Variants in DAB1 observed in about 807,000 individuals in gnomAD.
DAB1 encodes the protein DAB adaptor protein 1, also known as disabled homolog 1.
In DAB1, 15 loss-of-function variants were observed where a neutral mutation model predicts 64.6. The observed-to-expected ratio is 0.23, with a 90% CI of 0.16 to 0.36. The LOEUF (loss-of-function observed/expected upper bound fraction) is 0.36. Ranked by LOEUF, DAB1 falls within the 10% of genes least tolerant of loss-of-function variation. The pLI, the probability that DAB1 is intolerant of heterozygous loss-of-function variation, is 1.00. For missense variants in DAB1, 596 were observed against 706.7 expected (o/e 0.84, Z 1.78); for synonymous variants, 235 against 251.9 (o/e 0.93, Z 0.64).
chr1:57,440,922 T>C (rs1558383072), intron 7 of DAB1, among the ~76,000 whole-genome samples: 2 of 152,188 alleles, frequency 1.3e-5, no homozygotes. Context: ...GTTTGTTACG[T>C]GGGTGTACAG....
intron 5 of DAB1, among the ~76,000 whole-genome samples, chr1:57,934,858 C>A (rs1005441319): frequency 1.3e-5 from 2 of 152,156 alleles, no homozygotes; most frequent in Admixed American, 1.3e-4. Flanking sequence ...TCCTTCTGAG[C>A]GAACTGTAAG....
At chr1:57,378,277 A>G (rs1208027962) in intron 1 of DAB1, among the ~76,000 whole-genome samples, 2 of 152,196 alleles carry the variant, frequency 1.3e-5, no homozygotes, top group Non-Finnish European at 2.9e-5. Context: ...TGGCCATTAT[A>G]TTATCACCCA....
intron 5 of DAB1, among the ~76,000 whole-genome samples, chr1:57,993,427 CT>C (rs1646378077): frequency 6.6e-6 from 1 of 152,164 alleles, no homozygotes; most frequent in South Asian, 2.1e-4. Flanking sequence ...CCTCGGAGAG[CT>C]GCTTTATTGA....
Position 57,919,683 on chromosome 1 carries a change from C to T in DAB1, n.388-35521G>A, listed in dbSNP as rs189360180. Among the ~76,000 whole-genome samples the T allele has an allele frequency of 4.5e-3, 692 of 152,190 alleles. 10 individuals carry two copies. The highest frequency in any genetic ancestry group is 3.5e-3 in the Non-Finnish European group (235 of 68,010). ...AAGGAAGTGATAAACAATGTATAAC[C>T]GGCAGGATTGTTGTGAAGTTTACAG... On this transcript the variant is annotated intron_variant and non_coding_transcript_variant, in intron 5 of 20. Transcript: ENST00000485760.
intron 11 of DAB1, among the ~76,000 whole-genome samples, chr1:57,020,430 C>T (rs113709805): frequency 2.3e-4 from 35 of 152,278 alleles, no homozygotes; most frequent in African/African-American, 7.2e-4. Context: ...CCCATTAAAA[C>T]GGGGTAAGTT....
intron 1 of DAB1, among the ~76,000 whole-genome samples, chr1:57,419,284 G>C (rs568788493): frequency 6.6e-6 from 1 of 152,304 alleles, no homozygotes; most frequent in Admixed American, 6.5e-5. Context: ...CCTCTGGGCT[G>C]TAAAGTTACG....
intron 1 of DAB1, among the ~76,000 whole-genome samples, chr1:57,343,848 G>A (rs1024901170): frequency 6.6e-6 from 1 of 152,230 alleles, no homozygotes; most frequent in African/African-American, 2.4e-5. Context: ...CCCAGAAAGC[G>A]GCTCCCACAG....
At chr1:57,824,476 G>T (rs1441465598), downstream of DAB1, among the ~76,000 whole-genome samples, 1 of 151,950 alleles carries the variant, frequency 6.6e-6, no homozygotes, top group African/African-American at 2.4e-5. Context: ...CTCTAAATAG[G>T]TAACATGTTA....
chr1:57,026,714 C>A (rs1015926245), intron 9 of DAB1, among the ~76,000 whole-genome samples: 4 of 152,122 alleles, frequency 2.6e-5, no homozygotes, highest in African/African-American at 9.7e-5. Context: ...GCATCAAAAA[C>A]AACCCAGTGT....
chr1:58,263,000 C>A (rs978268944), intron 4 of DAB1, among the ~76,000 whole-genome samples: 4 of 152,106 alleles, frequency 2.6e-5, no homozygotes, highest in East Asian at 3.8e-4. Context: ...GAGAAATAAA[C>A]CTTTGTTGTT....
intron 14 of DAB1, among the ~76,000 whole-genome samples, chr1:57,000,615 T>G (rs554117398): frequency 3.3e-5 from 5 of 152,322 alleles, no homozygotes; most frequent in South Asian, 2.1e-4. Context: ...AACTTTATTG[T>G]GTGTTTGTGT....
intron 1 of DAB1, among the ~76,000 whole-genome samples, chr1:57,344,937 G>T (rs146577861): frequency 4.0e-4 from 61 of 152,264 alleles, no homozygotes; most frequent in African/African-American, 1.3e-3. Context: ...AATATCAGAA[G>T]CCAGTCAACA....
intron 2 of DAB1, among the ~76,000 whole-genome samples, chr1:57,238,690 T>G (rs2100463614): frequency 6.6e-6 from 1 of 152,248 alleles, no homozygotes; most frequent in South Asian, 2.1e-4. Flanking sequence ...GCATCTGCAC[T>G]TCACTGTCAG....
At chr1:57,471,167 G>A (rs1030327192) in intron 7 of DAB1, among the ~76,000 whole-genome samples, 4 of 152,124 alleles carry the variant, frequency 2.6e-5, no homozygotes, top group African/African-American at 7.2e-5. Flanking sequence ...AGATGATGAC[G>A]AACCAAATTC....
chr1:57,452,877 G>A (rs1686439821), intron 7 of DAB1, among the ~76,000 whole-genome samples: 1 of 150,994 alleles, frequency 6.6e-6, no homozygotes, highest in African/African-American at 2.4e-5. Context: ...GGAAAGAAGA[G>A]AGAAAGAGGG....
chr1:57,759,548 T>G (rs1379705901), intron 6 of DAB1, among the ~76,000 whole-genome samples: 4 of 152,212 alleles, frequency 2.6e-5, no homozygotes, highest in African/African-American at 9.6e-5. Flanking sequence ...AATAGACCTA[T>G]GCAGTGCCCA....
chr1:58,211,275 T>G (rs1485931862), intron 4 of DAB1, among the ~76,000 whole-genome samples: 1 of 152,198 alleles, frequency 6.6e-6, no homozygotes, highest in African/African-American at 2.4e-5. Flanking sequence ...TTTGTTCTAG[T>G]TGCTTAAAAA....
At chr1:58,038,350 T>C (rs1273347353) in intron 5 of DAB1, among the ~76,000 whole-genome samples, 2 of 152,078 alleles carry the variant, frequency 1.3e-5, no homozygotes, top group Non-Finnish European at 2.9e-5. Context: ...TGGTTCTGGA[T>C]TGGCAACTAA....
At chr1:57,326,796 C>G (rs1393583961) in intron 1 of DAB1, among the ~76,000 whole-genome samples, 1 of 152,088 alleles carries the variant, frequency 6.6e-6, no homozygotes, top group Non-Finnish European at 1.5e-5. Context: ...CATCCTCAGA[C>G]CTCATCGAAT....
Sources: allele counts gnomAD v4.1 joint callset (sites outside exome capture counted in the v4.1 genomes callset), GRCh38; gene constraint gnomAD v4.1.1; transcripts MANE v1.5; gene names NCBI Gene and HGNC (gene_info 2026-07-23, HGNC 2026-07-21).